Variants in FAR2 observed in about 807,000 individuals in gnomAD.
The protein encoded by FAR2 is fatty acyl-CoA reductase 2.
In FAR2, 19 loss-of-function variants were observed where a neutral mutation model predicts 56.0. The ratio of observed to expected loss-of-function variants is 0.34; its 90% CI spans 0.24 to 0.50. The LOEUF is 0.50. Ranked by LOEUF, FAR2 falls within the 20% of genes least tolerant of loss-of-function variation. The probability of loss-of-function intolerance (pLI) is 0.98; values close to 1 mark genes in which losing one functional copy is unlikely to be tolerated. For synonymous variants in FAR2, 219 were observed against 218.8 expected (o/e 1.00, Z -0.01); for missense variants, 508 against 642.2 (o/e 0.79, Z 2.26).
At chr12:29,284,604 T>G (rs1172519966) in intron 2 of FAR2, among the ~76,000 whole-genome samples, 1 of 152,140 alleles carries the variant, frequency 6.6e-6, no homozygotes, top group Non-Finnish European at 1.5e-5. Flanking sequence ...CAGAACATGA[T>G]TAGATTTAAG....
intron 2 of FAR2, among the ~76,000 whole-genome samples, chr12:29,278,668 C>CA (rs1948738678): frequency 6.6e-6 from 1 of 151,970 alleles, no homozygotes; most frequent in African/African-American, 2.4e-5. Flanking sequence ...CTTTTAACAA[C>CA]AAAAAAGTAC....
At chr12:29,235,086 G>A (rs868781342) in intron 1 of FAR2, among the ~76,000 whole-genome samples, 39 of 152,134 alleles carry the variant, frequency 2.6e-4, no homozygotes, top group African/African-American at 8.4e-4. Context: ...TGTCCTCATA[G>A]CAACCGTTAT....
chr12:29,289,811 C>T (rs190834979), intron 2 of FAR2, among the ~76,000 whole-genome samples: 2 of 152,200 alleles, frequency 1.3e-5, no homozygotes, highest in African/African-American at 4.8e-5. Context: ...GATTAATAAC[C>T]AGAATACATA....
chr12:29,162,594 A>G (rs1949791351), intron 1 of FAR2, among the ~76,000 whole-genome samples: 1 of 152,234 alleles, frequency 6.6e-6, no homozygotes, highest in South Asian at 2.1e-4. Context: ...TAAAAAATCA[A>G]AGTATACAAT....
intron 1 of FAR2, among the ~76,000 whole-genome samples, chr12:29,240,959 C>T (rs945918266): frequency 6.6e-6 from 1 of 152,128 alleles, no homozygotes; most frequent in Non-Finnish European, 1.5e-5. Flanking sequence ...ACATGCACTA[C>T]CACATCCAGC....
chr12:29,292,453 T>C (rs571484420), intron 2 of FAR2: 1 of 152,326 alleles, frequency 6.6e-6, no homozygotes, highest in Non-Finnish European at 1.5e-5. Flanking sequence ...ATATTCAACA[T>C]ATGTTTGTTG....
chr12:29,182,292 G>T (rs1949999541), intron 1 of FAR2, among the ~76,000 whole-genome samples: 1 of 152,244 alleles, frequency 6.6e-6, no homozygotes, highest in African/African-American at 2.4e-5. Context: ...GCTGCTGGCT[G>T]CAGTGGCCAG....
At chr12:29,166,836 A>G (rs1456157492) in intron 1 of FAR2, among the ~76,000 whole-genome samples, 9 of 152,008 alleles carry the variant, frequency 5.9e-5, no homozygotes, top group African/African-American at 1.9e-4. Flanking sequence ...TTCTCCCCCT[A>G]TAGCTATGGT....
chr12:29,303,801 A>C (rs941092744), intron 4 of FAR2, among the ~76,000 whole-genome samples: 14 of 152,352 alleles, frequency 9.2e-5, no homozygotes, highest in African/African-American at 3.4e-4. Context: ...CTATGTAGCT[A>C]AGTAAAAATG....
intron 1 of FAR2, chr12:29,156,396 T>C (rs1449264820): frequency 2.0e-5 from 3 of 152,204 alleles, no homozygotes; most frequent in Admixed American, 6.5e-5. Context: ...TGATGGCTGG[T>C]GTTGCTAACG....
chr12:29,266,570 CT>C (rs1348008368), intron 1 of FAR2, among the ~76,000 whole-genome samples: 1 of 151,682 alleles, frequency 6.6e-6, no homozygotes, highest in African/African-American at 2.4e-5. Context: ...TGAATAGGAT[CT>C]AGTATTTGAT....
At chr12:29,254,285 A>T (rs960267825) in intron 1 of FAR2, among the ~76,000 whole-genome samples, 3 of 152,166 alleles carry the variant, frequency 2.0e-5, no homozygotes, top group African/African-American at 7.2e-5. Context: ...ATACTCAGGA[A>T]ATTAAAGCAA....
chr12:29,289,390 C>T (rs7963893), intron 2 of FAR2, among the ~76,000 whole-genome samples: 6,414 of 152,218 alleles, frequency 0.042, 450 homozygotes, highest in African/African-American at 0.15. Flanking sequence ...AAAAAATCCA[C>T]ACACCTACAG....
chr12:29,229,777 CA>C (rs916215166), intron 1 of FAR2, among the ~76,000 whole-genome samples: 12 of 151,230 alleles, frequency 7.9e-5, no homozygotes, highest in African/African-American at 2.9e-4. Context: ...TAAGTGGTCA[CA>C]AAAAAAGAGT....
rs1217630031 is a variant in FAR2 at position 29,293,559 on chromosome 12, A to G, written c.365+84A>G. 7 of 1,222,468 alleles carry G rather than the reference A, an allele frequency of 5.7e-6. No homozygotes were observed. In the African/African-American group the frequency reaches 9.3e-5, roughly 16 times the overall value. The allele number at this position is 1,222,468 out of a possible 1,614,324, so 75.7% of individuals were successfully genotyped here. A position where few individuals can be genotyped will look rare whatever the true frequency, so the allele number is the denominator to read the frequency against. ...ATAGTTTCTGTAAAAAAAAAGAAATACACTCTAAACAAAAAAGACATACAA... is the reference window on the plus strand; with the variant it reads ...ATAGTTTCTGTAAAAAAAAAGAAATGCACTCTAAACAAAAAAGACATACAA... On this transcript the variant is annotated intron_variant, in intron 3 of 11. Transcript: ENST00000536681.
At chr12:29,270,682 G>A (rs778207685) in intron 2 of FAR2, 44 bp downstream of exon 2, 1 of 1,507,002 alleles carries the variant, frequency 6.6e-7, no homozygotes, top group South Asian at 1.3e-5. Flanking sequence ...ATGCCTTAGG[G>A]CAAGATGATT....
At chr12:29,274,342 C>T (rs991397810) in intron 2 of FAR2, among the ~76,000 whole-genome samples, 1 of 151,956 alleles carries the variant, frequency 6.6e-6, no homozygotes, top group African/African-American at 2.4e-5. Flanking sequence ...TGGTTTCCAG[C>T]TTCATCCGTG....
chr12:29,238,927 A>G (rs963268433), intron 1 of FAR2, among the ~76,000 whole-genome samples: 7 of 152,294 alleles, frequency 4.6e-5, no homozygotes, highest in African/African-American at 1.7e-4. Context: ...GAGTTGTAGA[A>G]GTCATGGAAG....
chr12:29,166,260 G>A (rs1949826920), intron 1 of FAR2, among the ~76,000 whole-genome samples: 1 of 152,332 alleles, frequency 6.6e-6, no homozygotes, highest in Non-Finnish European at 1.5e-5. Context: ...GTGTGTGTGT[G>A]TACAGACTTT....
Sources: allele counts gnomAD v4.1 joint callset (sites outside exome capture counted in the v4.1 genomes callset), GRCh38; gene constraint gnomAD v4.1.1; transcripts MANE v1.5; gene names NCBI Gene and HGNC (gene_info 2026-07-23, HGNC 2026-07-21).